The following ST6GALNAC3 variants were observed in gnomAD, a reference collection of about 807,000 sequenced individuals.
ST6GALNAC3 encodes the protein ST6 N-acetylgalactosaminide alpha-2,6-sialyltransferase 3.
In ST6GALNAC3, 25 loss-of-function variants were observed where a neutral mutation model predicts 32.7. The observed-to-expected ratio is 0.76, with a 90% CI of 0.56 to 1.07. The LOEUF (loss-of-function observed/expected upper bound fraction) is 1.07, where lower values mean the gene tolerates loss of function less well. ST6GALNAC3 is among the 50% of genes least tolerant of loss of function. The pLI, the probability that ST6GALNAC3 is intolerant of heterozygous loss-of-function variation, is 0.00. For synonymous variants in ST6GALNAC3, 129 were observed against 133.1 expected, an observed-to-expected ratio of 0.97 and a Z score of 0.21; for missense variants, 355 against 382.4, an observed-to-expected ratio of 0.93 and a Z score of 0.60.
intron 1 of ST6GALNAC3, among the ~76,000 whole-genome samples, chr1:76,176,337 C>A (rs548800892): frequency 2.0e-5 from 3 of 152,218 alleles, no homozygotes; most frequent in African/African-American, 7.2e-5. Flanking sequence ...GTTTGACTTA[C>A]AGCCTGCTCA....
At chr1:76,602,747 A>G (rs74922252) in intron 3 of ST6GALNAC3, among the ~76,000 whole-genome samples, 1,898 of 152,068 alleles carry the variant, frequency 0.012, 47 homozygotes, top group African/African-American at 0.044. Context: ...AATTTAACCA[A>G]TTTGATTAAT....
chr1:76,426,800 A>G (rs1282750766), intron 3 of ST6GALNAC3, among the ~76,000 whole-genome samples: 1 of 151,948 alleles, frequency 6.6e-6, no homozygotes, highest in Non-Finnish European at 1.5e-5. Flanking sequence ...CTATGATGCT[A>G]TGACAGTTAC....
chr1:76,111,934 C>T (rs868441581), intron 1 of ST6GALNAC3, among the ~76,000 whole-genome samples: 11 of 152,076 alleles, frequency 7.2e-5, no homozygotes, highest in African/African-American at 2.2e-4. Context: ...ATCATGGCCC[C>T]TTCTCAATGA....
At chr1:76,180,817 C>A (rs766997899) in intron 1 of ST6GALNAC3, among the ~76,000 whole-genome samples, 2 of 152,158 alleles carry the variant, frequency 1.3e-5, no homozygotes, top group Non-Finnish European at 2.9e-5. Flanking sequence ...CTGCTCAGAG[C>A]CACCTCCACC....
chr1:76,201,335 C>A (rs1478102173), intron 1 of ST6GALNAC3, among the ~76,000 whole-genome samples: 1 of 152,142 alleles, frequency 6.6e-6, no homozygotes, highest in Non-Finnish European at 1.5e-5. Flanking sequence ...CTGGGGAACT[C>A]CCCTTTATCA....
chr1:76,605,241 C>T (rs1032406298), intron 3 of ST6GALNAC3, among the ~76,000 whole-genome samples: 15 of 152,204 alleles, frequency 9.9e-5, no homozygotes, highest in African/African-American at 3.1e-4. Flanking sequence ...TGAGTATTAA[C>T]GTATGAGTAG....
intron 3 of ST6GALNAC3, among the ~76,000 whole-genome samples, chr1:76,530,957 C>T (rs1055575526): frequency 1.4e-4 from 21 of 152,164 alleles, no homozygotes; most frequent in African/African-American, 4.8e-4. Context: ...TGGCTATCCT[C>T]GTAGCTAATT....
At chr1:76,557,931 A>G (rs1214126697) in intron 3 of ST6GALNAC3, among the ~76,000 whole-genome samples, 1 of 152,190 alleles carries the variant, frequency 6.6e-6, no homozygotes, top group Non-Finnish European at 1.5e-5. Flanking sequence ...TCATAAAGTT[A>G]TATAAGAGGA....
chr1:76,232,549 C>T (rs565163148), intron 1 of ST6GALNAC3, among the ~76,000 whole-genome samples: 44 of 152,302 alleles, frequency 2.9e-4, no homozygotes, highest in Middle Eastern at 3.4e-3. Context: ...GGATCCTCCC[C>T]GGAAAGGCTC....
intron 3 of ST6GALNAC3, among the ~76,000 whole-genome samples, chr1:76,508,424 C>A (rs315093): frequency 0.45 from 67,656 of 151,930 alleles, 18,124 homozygotes; most frequent in East Asian, 0.77. Flanking sequence ...GGAATTTGGC[C>A]CACTACTATA....
chr1:76,079,193 G>C (rs923451667), intron 1 of ST6GALNAC3, among the ~76,000 whole-genome samples: 5 of 152,176 alleles, frequency 3.3e-5, no homozygotes, highest in African/African-American at 1.2e-4. Context: ...GGAAGATCTC[G>C]TGGGGTTGTT....
chr1:76,528,544 C>T (rs1007525393), intron 3 of ST6GALNAC3, among the ~76,000 whole-genome samples: 7 of 151,966 alleles, frequency 4.6e-5, no homozygotes, highest in African/African-American at 1.2e-4. Flanking sequence ...CATAGTATGT[C>T]GACTCTTGTT....
chr1:76,445,723 A>G (rs902688596), intron 3 of ST6GALNAC3, among the ~76,000 whole-genome samples: 3 of 152,182 alleles, frequency 2.0e-5, no homozygotes, highest in South Asian at 2.1e-4. Flanking sequence ...CTTCTAGTAT[A>G]GGACACCATA....
chr1:76,237,121 C>T (rs1232528250), intron 1 of ST6GALNAC3, among the ~76,000 whole-genome samples: 2 of 152,148 alleles, frequency 1.3e-5, no homozygotes, highest in Admixed American at 6.5e-5. Context: ...TGTGAAATAA[C>T]TTACTTGGGA....
At chr1:76,382,282 CAAAT>C (rs1557839979) in intron 2 of ST6GALNAC3, among the ~76,000 whole-genome samples, 1 of 152,022 alleles carries the variant, frequency 6.6e-6, no homozygotes. Flanking sequence ...TTAGTGAAAA[CAAAT>C]AAACTGTAGG....
At chr1:76,468,059 T>A (rs1658762149) in intron 3 of ST6GALNAC3, among the ~76,000 whole-genome samples, 2 of 151,866 alleles carry the variant, frequency 1.3e-5, no homozygotes, top group African/African-American at 4.8e-5. Flanking sequence ...AAAATTAGGG[T>A]GTCATATATA....
intron 3 of ST6GALNAC3, among the ~76,000 whole-genome samples, chr1:76,451,943 TCCAG>T (rs1657434170): frequency 6.6e-6 from 1 of 152,322 alleles, no homozygotes; most frequent in East Asian, 1.9e-4. Context: ...GGCTATGACT[TCCAG>T]TACTATGTTG....
At chr1:76,123,333 T>A (rs1388622293) in intron 1 of ST6GALNAC3, among the ~76,000 whole-genome samples, 6 of 148,550 alleles carry the variant, frequency 4.0e-5, no homozygotes, top group Admixed American at 1.4e-4. Flanking sequence ...GAGCCGAGAT[T>A]ATGCCATTGC....
intron 3 of ST6GALNAC3, among the ~76,000 whole-genome samples, chr1:76,595,387 G>A (rs1647119204): frequency 6.6e-6 from 1 of 152,060 alleles, no homozygotes; most frequent in Non-Finnish European, 1.5e-5. Context: ...GAGAACAGCT[G>A]CCCTCAGCTT....
Sources: gnomAD v4.1 joint callset for allele counts (sites outside exome capture counted in the v4.1 genomes callset) on GRCh38, gnomAD v4.1.1 for gene constraint, MANE v1.5 for transcripts, NCBI Gene and HGNC (gene_info 2026-07-23, HGNC 2026-07-21) for gene names.